Variants in ZNF98 observed in about 807,000 individuals in gnomAD.
ZNF98 encodes zinc finger protein 98.
ZNF98 carries 8 observed loss-of-function variants against 12.8 expected under a neutral mutation model. The observed-to-expected ratio is 0.63, with a 90% CI of 0.37 to 1.13. The LOEUF (loss-of-function observed/expected upper bound fraction) is 1.13. Ranked by LOEUF, ZNF98 falls within the 50% of genes most tolerant of loss-of-function variation. The pLI is 0.01. For synonymous variants in ZNF98, 112 were observed against 223.5 expected, an observed-to-expected ratio of 0.50 and a Z score of 4.45; for missense variants, 379 against 666.1, an observed-to-expected ratio of 0.57 and a Z score of 4.74.
chr19:22,399,101 C>T (rs1969429534), intron 3 of ZNF98, among the ~76,000 whole-genome samples: 2 of 152,114 alleles, frequency 1.3e-5, no homozygotes. Context: ...AAGAAACCTA[C>T]ACTGAAAAAA....
intron 1 of ZNF98, among the ~76,000 whole-genome samples, chr19:22,420,995 T>C (rs963054729): frequency 1.3e-5 from 2 of 152,194 alleles, no homozygotes; most frequent in African/African-American, 2.4e-5. Flanking sequence ...ATTTAAGACA[T>C]TGCATTTTCC....
chr19:22,398,540 AC>A, intron 3 of ZNF98, among the ~76,000 whole-genome samples: 1 of 151,882 alleles, frequency 6.6e-6, no homozygotes, highest in Non-Finnish European at 1.5e-5. Context: ...AAAATGCTTT[AC>A]AGAGATGAGG....
At chr19:22,414,949 C>G (rs1259627613) in intron 1 of ZNF98, among the ~76,000 whole-genome samples, 1 of 152,018 alleles carries the variant, frequency 6.6e-6, no homozygotes, top group Non-Finnish European at 1.5e-5. Flanking sequence ...AAACAACACA[C>G]AGAATAAAAG....
At chr19:22,395,974 G>A (rs978914933) in intron 3 of ZNF98, among the ~76,000 whole-genome samples, 35 of 151,204 alleles carry the variant, frequency 2.3e-4, no homozygotes, top group South Asian at 1.5e-3. Context: ...TTCTGAAAAA[G>A]TATATTAGCA....
intron 3 of ZNF98, among the ~76,000 whole-genome samples, chr19:22,394,328 A>G (rs1490093794): frequency 2.0e-5 from 3 of 151,418 alleles, no homozygotes; most frequent in Non-Finnish European, 2.9e-5. Flanking sequence ...CAGCCATCCC[A>G]TTACGGGGTA....
In ZNF98 at chr19:22,391,633, G is replaced by A. The variant is rs553119995; in HGVS notation, c.1602C>T (p.Asn534=). The A allele has an allele frequency of 1.2e-4, 199 of 1,613,640 alleles. 1 individual carries two copies. Among genetic ancestry groups the A allele is most frequent in the Non-Finnish European group, 1.1e-5 (13 of 1,179,784 alleles). ...CTCCAGTATGAATCATCTTATGTCT[G>A]TTAAGAATAGAGGAGTTGTTAAAGG... The part of the protein sequence containing the change: ...GKAFNNSSIL[N]RHKMIHTGEK... The change falls in exon 4 of 4, where the codon AAC becomes AAT. Residue 534 remains asparagine (N), a synonymous_variant. Transcript: ENST00000357774.
At position 22,391,747 on chromosome 19, in the gene ZNF98, G is replaced by C. The variant is rs74169609; in HGVS notation, c.1488C>G (p.Gly496=). 2.7e-5 allele frequency: 43 copies of C among 1,612,856 alleles called. 1 individual carries two copies. In the Middle Eastern group the frequency reaches 9.9e-4, roughly 37 times the overall value. ...GEKPYKCEEC[G]KAFNQSSHLT... ...GGTGTGAGGACTGGTTAAAAGCTTT[G>C]CCACATTCTTCACATTTGTAGGGCT... Residue 496 remains glycine, a synonymous_variant, in exon 4 of 4, where the codon GGC becomes GGG. Transcript: ENST00000357774.
At chr19:22,394,793 G>GAAAT (rs762299088) in intron 3 of ZNF98, among the ~76,000 whole-genome samples, 4 of 152,122 alleles carry the variant, frequency 2.6e-5, no homozygotes, top group South Asian at 2.1e-4. Context: ...AAAGTATAAT[G>GAAAT]AAATAAATAA....
At chr19:22,406,641 C>A (rs946870304) in intron 1 of ZNF98, among the ~76,000 whole-genome samples, 6 of 151,850 alleles carry the variant, frequency 4.0e-5, no homozygotes, top group Non-Finnish European at 1.5e-5. Context: ...CACGGTGAAA[C>A]CCTGTCTCTA....
rs539510921 is a variant in ZNF98, at chr19:22,410,818, G to A, written c.31-7306C>T. On this transcript the variant is annotated intron_variant, in intron 1 of 3. Coordinates refer to ENST00000357774, the MANE Select transcript of ZNF98 (RefSeq NM_001098626.2). The stretch of plus-strand genomic sequence containing the variant: ...TGAGTGGGTGTTTTAAATAAGTCCC[G>A]TCAAGGCTGATGTTGCTCCCCCTAG... 1.2e-4 allele frequency among the ~76,000 whole-genome samples: 18 copies of A among 152,206 alleles called. No individual in the cohort carries two copies. The South Asian group carries it at 3.1e-3, about 26-fold the overall frequency.
At chr19:22,401,890 T>C (rs1027091209) in intron 3 of ZNF98, among the ~76,000 whole-genome samples, 1 of 151,046 alleles carries the variant, frequency 6.6e-6, no homozygotes, top group African/African-American at 2.4e-5. Flanking sequence ...GAAAATACAA[T>C]TCTCGGTCAG....
At position 22,392,396 on chromosome 19, in the gene ZNF98, T is replaced by C; in HGVS notation, c.839A>G (p.Asn280Ser). Residue 280 changes from asparagine to serine, a missense_variant, in exon 4 of 4, where the codon AAC (asparagine) becomes AGC (serine). By Grantham distance (46) the Asn-to-Ser change is conservative. This residue lies in a region of ZNF98 where 9 missense variants were observed against 94.5 expected (regional missense o/e 0.10). Transcript: ENST00000357774. ...ECGKAFNQSA[N>S]LTTHKRIHTG... ...ATGAATTCTCTTATGTGTAGTAAGG[T>C]TTGCAGATTGGTTAAAAGCTTTGCC... 1 of 1,512,392 alleles carries C rather than the reference T, an allele frequency of 6.6e-7. No homozygotes were observed. The highest frequency in any genetic ancestry group is 1.2e-5 in the South Asian group (1 of 80,302). 93.7% of individuals were successfully genotyped at this position (1,512,392 alleles called of 1,614,324 possible).
intron 3 of ZNF98, among the ~76,000 whole-genome samples, chr19:22,393,776 C>A (rs1969359851): frequency 6.6e-6 from 1 of 152,090 alleles, no homozygotes. Flanking sequence ...CAGGTATGGG[C>A]AAGGACTTCA....
rs577683093 is a variant in ZNF98, at chr19:22,391,643, G to C, written c.1592C>G (p.Ser531Cys). ...AATCATCTTATGTCTGTTAAGAATA[G>C]AGGAGTTGTTAAAGGCTTTGCCGCA... Reference protein sequence around the residue: ...EECGKAFNNSSILNRHKMIHT... With the variant: ...EECGKAFNNSCILNRHKMIHT... Residue 531 changes from serine to cysteine, a missense_variant, in exon 4 of 4, where the codon TCT becomes TGT. By Grantham distance (112) the Ser-to-Cys change is moderately radical. Around this residue, in one of 8 missense-constraint regions of ZNF98, gnomAD observed 59 missense variants for 50.3 expected, o/e 1.17. Transcript: ENST00000357774. The C allele has an allele frequency of 1.1e-5, 17 of 1,613,702 alleles. No individual in the cohort carries two copies. Among genetic ancestry groups the C allele is most frequent in the Middle Eastern group, 1.6e-4 (1 of 6,080 alleles).
intron 3 of ZNF98, among the ~76,000 whole-genome samples, chr19:22,400,923 A>G (rs1969448255): frequency 7.0e-6 from 1 of 142,320 alleles, no homozygotes; most frequent in Admixed American, 7.1e-5. Context: ...ACTGCACTCC[A>G]GTCTCAGCGA....
intron 3 of ZNF98, among the ~76,000 whole-genome samples, chr19:22,402,083 G>A (rs1369201402): frequency 4.9e-5 from 7 of 141,436 alleles, no homozygotes; most frequent in South Asian, 2.2e-4. Flanking sequence ...GGCTGAGGCA[G>A]AAGAATCGCT....
intron 1 of ZNF98, among the ~76,000 whole-genome samples, chr19:22,410,944 A>C (rs1969573852): frequency 6.6e-6 from 1 of 152,032 alleles, no homozygotes; most frequent in Non-Finnish European, 1.5e-5. Flanking sequence ...ATGACAACCA[A>C]CCTCCATCTT....
chr19:22,415,956 G>GACACACACACACACACACAC (rs71180550), intron 1 of ZNF98, among the ~76,000 whole-genome samples: 3 of 111,332 alleles, frequency 2.7e-5, no homozygotes, highest in East Asian at 5.4e-4. Context: ...AAAAACTACA[G>GACACACACACACACACACAC]ACACACACAC....
rs1432329970 is a variant in ZNF98 at position 22,400,963 on chromosome 19, AC to A, written c.253+1825del. Reference sequence around the variant, plus strand: ...GTGAGACACTGTCTCAAAAAACAAAACAAAACAAAACAAAAAAAAAACAAGA... The same window carrying A: ...GTGAGACACTGTCTCAAAAAACAAAAAAAACAAAACAAAAAAAAAACAAGA... On this transcript the variant is annotated intron_variant, in intron 3 of 3. Coordinates refer to ENST00000357774, the MANE Select transcript of ZNF98 (RefSeq NM_001098626.2). Among the ~76,000 whole-genome samples, 109 of 150,128 alleles carry A rather than the reference AC, an allele frequency of 7.3e-4. 6 individuals carry two copies. The highest frequency in any genetic ancestry group is 6.8e-3 in the Middle Eastern group (2 of 292).
Sources: allele counts gnomAD v4.1 joint callset (sites outside exome capture counted in the v4.1 genomes callset), GRCh38; gene constraint gnomAD v4.1.1; regional missense constraint gnomAD v4.1.1; transcripts MANE v1.5; gene names NCBI Gene and HGNC (gene_info 2026-07-23, HGNC 2026-07-21).